Variants in GLDN observed in about 807,000 individuals in gnomAD.
GLDN encodes collomin.
A neutral mutation model predicts 56.5 loss-of-function variants in GLDN; 47 were observed. The observed-to-expected ratio is 0.83, with a 90% CI of 0.66 to 1.06. The LOEUF is 1.06. Ranked by LOEUF, GLDN falls within the 50% of genes least tolerant of loss-of-function variation. The pLI, the probability that GLDN is intolerant of heterozygous loss-of-function variation, is 0.00. For missense variants in GLDN, 782 were observed against 714.3 expected, an observed-to-expected ratio of 1.09 and a Z score of -1.08; for synonymous variants, 332 against 278.8, an observed-to-expected ratio of 1.19 and a Z score of -1.90.
chr15:51,369,445 G>A (rs964895188), intron 1 of GLDN, among the ~76,000 whole-genome samples: 5 of 152,234 alleles, frequency 3.3e-5, no homozygotes, highest in Non-Finnish European at 5.9e-5. Flanking sequence ...GAACTTCAGA[G>A]AAACCATGAC....
chr15:51,395,132 A>G, intron 5 of GLDN, 151 bp downstream of exon 5: 1 of 747,282 alleles, frequency 1.3e-6, no homozygotes, highest in South Asian at 2.5e-5. Flanking sequence ...CTATGCTTTC[A>G]AAGAGGAGAA....
chr15:51,358,199 A>G (rs1025371602), intron 1 of GLDN, among the ~76,000 whole-genome samples: 3 of 152,206 alleles, frequency 2.0e-5, no homozygotes, highest in African/African-American at 7.2e-5. Context: ...TCAAGTCCAA[A>G]GGTCAATGAA....
In GLDN at chr15:51,341,871, A is replaced by T. The variant is rs372335745; in HGVS notation, c.187A>T (p.Ser63Cys). 6.4e-7 allele frequency: 1 copy of T among 1,560,580 alleles called. No homozygotes were observed. Among genetic ancestry groups the T allele is most frequent in the Non-Finnish European group, 8.6e-7 (1 of 1,161,746 alleles). Residue 63 changes from serine (S) to cysteine (C), a missense_variant, in exon 1 of 10, where the codon AGT (serine) becomes TGT (cysteine). Physicochemically the swap from Ser to Cys is moderately radical, Grantham distance 112. Coordinates refer to ENST00000335449, the MANE Select transcript of GLDN (RefSeq NM_181789.4). ...GCGGGGCCGGGAGCAGCGCGAGGAC[A>T]GTGCCCTGCGCTCCTTCCTGGCCGA... ...AQRGREQRED[S>C]ALRSFLAELS... is the part of the protein sequence containing the mutation.
In GLDN at chr15:51,359,078, T is replaced by C. The variant is rs528996835; in HGVS notation, c.363+17031T>C. Among the ~76,000 whole-genome samples the C allele has an allele frequency of 2.6e-5, 4 of 152,202 alleles. No homozygotes were observed. The East Asian group carries it at 7.7e-4, about 29-fold the overall frequency. ...ACTAGTAAGGACTCTCCTTTGGCCC[T>C]AATGGCCCAAAAGGAACCAGACAAA... On this transcript the variant is annotated intron_variant, in intron 1 of 9. Coordinates refer to ENST00000335449, the MANE Select transcript of GLDN (RefSeq NM_181789.4).
At chr15:51,399,566 G>A (rs2038205536) in intron 6 of GLDN, among the ~76,000 whole-genome samples, 1 of 152,172 alleles carries the variant, frequency 6.6e-6, no homozygotes, top group African/African-American at 2.4e-5. Flanking sequence ...ATTGAACCAG[G>A]CCCCTGTCAA....
chr15:51,404,849 A>G lies in GLDN; in HGVS notation c.*95A>G, dbSNP rs2038341715. On this transcript the variant is annotated 3_prime_UTR_variant, in exon 10 of 10. Coordinates refer to ENST00000335449, the MANE Select transcript of GLDN (RefSeq NM_181789.4). ...CTTGTTTTTTTAACGTCAGCCAGAT[A>G]TTTAGAAAATAACCTCAAAAGTGTT... The G allele has an allele frequency of 1.4e-6, 1 of 695,876 alleles. No homozygotes were observed. The highest frequency in any genetic ancestry group is 2.3e-5 in the Admixed American group (1 of 43,232). 43.1% of individuals were successfully genotyped at this position (695,876 alleles called of 1,614,324 possible). A position where few individuals can be genotyped will look rare whatever the true frequency, so the allele number is the denominator to read the frequency against.
At position 51,351,973 on chromosome 15, in the gene GLDN, G is replaced by A. The variant is rs182639862; in HGVS notation, c.363+9926G>A. ...TCATATAGGTGAAGTGCACTGCCTG[G>A]TATAGTCAGGTTCTCAATAAGTGTT... On this transcript the variant is annotated intron_variant, in intron 1 of 9. Transcript: ENST00000335449. Among the ~76,000 whole-genome samples the A allele has an allele frequency of 3.5e-4, 54 of 152,280 alleles. 1 individual carries two copies. In the East Asian group the frequency reaches 0.01, roughly 28 times the overall value.
Position 51,386,040 on chromosome 15 carries a change from C to T in GLDN, c.541+2148C>T, listed in dbSNP as rs146161668. Among the ~76,000 whole-genome samples, 442 of 152,292 alleles carry T rather than the reference C, an allele frequency of 2.9e-3. 4 individuals are homozygous for T. Among genetic ancestry groups the T allele is most frequent in the African/African-American group, 0.01 (422 of 41,550 alleles). ...GGGAAGAGGCTGGAGCAGAGGACAG[C>T]AGCAGAGAAGGGAGAAGGTGTTGGA... On this transcript the variant is annotated intron_variant, in intron 4 of 9. Coordinates refer to ENST00000335449, the MANE Select transcript of GLDN (RefSeq NM_181789.4).
At chr15:51,375,129 A>G (rs1273583190) in intron 1 of GLDN, among the ~76,000 whole-genome samples, 8 of 152,242 alleles carry the variant, frequency 5.3e-5, no homozygotes, top group Admixed American at 1.3e-4. Flanking sequence ...TAAATACAAT[A>G]TAAGTTTTCC....
chr15:51,404,935 G>A lies in GLDN; in HGVS notation c.*181G>A, dbSNP rs1049059514. ...ACAGATTGGAAGTTGAAATGGCTGA[G>A]ATTTGGTGATCTCCCCACAGCTGGC... On this transcript the variant is annotated 3_prime_UTR_variant, in exon 10 of 10. Transcript: ENST00000335449. The A allele has an allele frequency of 1.7e-6, 1 of 574,616 alleles. No homozygotes were observed. Among genetic ancestry groups the A allele is most frequent in the Admixed American group, 3.2e-5 (1 of 31,124 alleles). The allele number at this position is 574,616 out of a possible 1,614,324, so 35.6% of individuals were successfully genotyped here.
In GLDN at chr15:51,401,685, C is replaced by T; in HGVS notation, c.1120C>T (p.His374Tyr). 1 of 1,614,102 alleles carries T rather than the reference C, an allele frequency of 6.2e-7. No homozygotes were observed. Among genetic ancestry groups the T allele is most frequent in the Non-Finnish European group, 8.5e-7 (1 of 1,179,926 alleles). ...HLPYYFHGCGHVVYNNSLYYH... is the reference protein window; with the variant it reads ...HLPYYFHGCGYVVYNNSLYYH... ...TCCATACTATTTCCATGGCTGTGGG[C>T]ACGTTGTTTACAACAACTCTCTCTA... The change falls in exon 9 of 10, where the codon CAC becomes TAC. Residue 374 changes from histidine (H) to tyrosine (Y), a missense_variant. Physicochemically the swap from His to Tyr is moderately conservative, Grantham distance 83. Coordinates refer to ENST00000335449, the MANE Select transcript of GLDN (RefSeq NM_181789.4).
At chr15:51,400,584 T>C (rs978229711) in intron 8 of GLDN, 86 bp downstream of exon 8, 2 of 1,407,274 alleles carry the variant, frequency 1.4e-6, no homozygotes. Context: ...TCCATTTGTG[T>C]GTGTCTGAAA....
intron 1 of GLDN, chr15:51,367,616 G>C (rs760760371): frequency 6.6e-6 from 1 of 152,246 alleles, no homozygotes; most frequent in Non-Finnish European, 1.5e-5. Flanking sequence ...CAAATGACTC[G>C]AGAATAAGCC....
downstream of GLDN, among the ~76,000 whole-genome samples, chr15:51,409,096 T>C (rs2038436613): frequency 6.9e-6 from 1 of 145,680 alleles, no homozygotes; most frequent in African/African-American, 2.5e-5. Flanking sequence ...TTATGGCTTA[T>C]CTAGGGCTGC....
intron 2 of GLDN, among the ~76,000 whole-genome samples, chr15:51,377,771 C>T (rs2037666592): frequency 6.6e-6 from 1 of 152,170 alleles, no homozygotes; most frequent in Non-Finnish European, 1.5e-5. Context: ...AGATTATTTT[C>T]TTATTCCCAT....
Position 51,376,358 on chromosome 15 carries a change from A to G in GLDN, c.364-1091A>G, listed in dbSNP as rs8039890. ...GAAAGGTACCATAAAACAACAGTAT[A>G]AAAGATTTAAAATGGCTCACCTGTA... On this transcript the variant is annotated intron_variant, in intron 1 of 9. Coordinates refer to ENST00000335449, the MANE Select transcript of GLDN (RefSeq NM_181789.4). Among the ~76,000 whole-genome samples the G allele has an allele frequency of 5.2e-3, 792 of 152,322 alleles. 8 individuals carry two copies. Among genetic ancestry groups the G allele is most frequent in the African/African-American group, 0.018 (746 of 41,564 alleles).
At chr15:51,358,246 G>C (rs2037224484) in intron 1 of GLDN, among the ~76,000 whole-genome samples, 1 of 152,190 alleles carries the variant, frequency 6.6e-6, no homozygotes, top group South Asian at 2.1e-4. Context: ...AGAAAATTCA[G>C]GTACGAAAAG....
At chr15:51,402,578 T>G (rs2038278597) in intron 9 of GLDN, among the ~76,000 whole-genome samples, 1 of 152,178 alleles carries the variant, frequency 6.6e-6, no homozygotes, top group African/African-American at 2.4e-5. Flanking sequence ...TCTGAAACAG[T>G]AAACCCAGTA....
chr15:51,394,780 G>T (rs1180729167), intron 4 of GLDN, 55 bp from the exon 5 acceptor site: 3 of 1,591,496 alleles, frequency 1.9e-6, no homozygotes, highest in Non-Finnish European at 2.6e-6. Context: ...ATATAAAGTG[G>T]TGTGCCAGAA....
Sources: gnomAD v4.1 joint callset for allele counts (sites outside exome capture counted in the v4.1 genomes callset) on GRCh38, gnomAD v4.1.1 for gene constraint, MANE v1.5 for transcripts, NCBI Gene and HGNC (gene_info 2026-07-23, HGNC 2026-07-21) for gene names.